Variants in GCKR observed in about 807,000 individuals in gnomAD.
GCKR encodes the protein glucokinase regulator.
In GCKR, 73 loss-of-function variants were observed where a neutral mutation model predicts 82.9. The ratio of observed to expected loss-of-function variants is 0.88; its 90% CI spans 0.73 to 1.07. GCKR has a LOEUF of 1.07. Ranked by LOEUF, GCKR falls within the 50% of genes least tolerant of loss-of-function variation. The probability of loss-of-function intolerance (pLI) is 0.00; values close to 1 mark genes in which losing one functional copy is unlikely to be tolerated. For missense variants in GCKR, 784 were observed against 782.1 expected (o/e 1.00, Z -0.03); for synonymous variants, 294 against 291.8 (o/e 1.01, Z -0.08).
At chr2:27,498,988 A>G (rs1669498610) in intron 5 of GCKR, among the ~76,000 whole-genome samples, 154 bp from the exon 6 acceptor site, 1 of 151,720 alleles carries the variant, frequency 6.6e-6, no homozygotes, top group African/African-American at 2.4e-5. Context: ...GAGTTTTTCA[A>G]CTCTATGGAG....
chr2:27,506,911 C>T (rs1212263037), intron 12 of GCKR, 26 bp downstream of exon 12: 1 of 1,375,128 alleles, frequency 7.3e-7, no homozygotes. Flanking sequence ...AGATGTTCTT[C>T]CTGCTTCCTC....
rs976290555 is a variant in GCKR at position 27,499,216 on chromosome 2, C to A, written c.495+8C>A. 2 of 1,594,344 alleles carry A rather than the reference C, an allele frequency of 1.3e-6. No homozygotes were observed. The highest frequency in any genetic ancestry group is 1.7e-6 in the Non-Finnish European group (2 of 1,162,354). ...ATTGAGGAACTGAAGAAGGTCTGTG[C>A]TTTTCACTGACATTGACCAGAGACC... On this transcript the variant is annotated splice_region_variant and intron_variant, in intron 6 of 18. Coordinates refer to ENST00000264717, the MANE Select transcript of GCKR (RefSeq NM_001486.4).
chr2:27,497,928 G>A (rs1218450262), intron 3 of GCKR, among the ~76,000 whole-genome samples: 2 of 152,196 alleles, frequency 1.3e-5, no homozygotes, highest in African/African-American at 2.4e-5. Flanking sequence ...GATAATCACT[G>A]TAGCTTGCTC....
rs1024943882 is a variant in GCKR at position 27,518,810 on chromosome 2, C to T, written c.1445C>T (p.Thr482Ile). 3 of 1,613,630 alleles carry T rather than the reference C, an allele frequency of 1.9e-6. No homozygotes were observed. The highest frequency in any genetic ancestry group is 2.5e-6 in the Non-Finnish European group (3 of 1,179,498). Reference sequence around the variant, plus strand: ...CAGAAGTTCCAGCGTGAGCTAAGCACCAAATGGGTGCTGAATACAGTGAGT... The same window carrying T: ...CAGAAGTTCCAGCGTGAGCTAAGCATCAAATGGGTGCTGAATACAGTGAGT... ...FIQKFQRELSTKWVLNTVSTG... is the reference protein window; with the variant it reads ...FIQKFQRELSIKWVLNTVSTG... The change falls in exon 17 of 19, where the codon ACC becomes ATC. Residue 482 changes from threonine (T) to isoleucine (I), a missense_variant. Thr to Ile is a moderately conservative substitution (Grantham distance 89). Transcript: ENST00000264717.
intron 9 of GCKR, 70 bp downstream of exon 9, chr2:27,503,689 G>A: frequency 2.5e-6 from 2 of 803,214 alleles, no homozygotes; most frequent in Non-Finnish European, 4.4e-6. Flanking sequence ...CTTCCTTGGG[G>A]CCTCTGATTT....
At chr2:27,521,911 A>G (rs2148594348) in intron 17 of GCKR, among the ~76,000 whole-genome samples, 1 of 151,748 alleles carries the variant, frequency 6.6e-6, no homozygotes, top group East Asian at 2.0e-4. Context: ...TTTTGTAGAG[A>G]TGGGGTCTTG....
chr2:27,516,377 G>GC (rs1407933600), intron 16 of GCKR, among the ~76,000 whole-genome samples: 4 of 124,012 alleles, frequency 3.2e-5, no homozygotes, highest in East Asian at 2.8e-4. Context: ...TGCAACCTCC[G>GC]CCCCCCAGGT....
Position 27,504,850 on chromosome 2 carries a change from GGT to G in GCKR, c.751-865_751-864del, listed in dbSNP as rs750252240. Among the ~76,000 whole-genome samples, 256 of 152,108 alleles carry G rather than the reference GGT, an allele frequency of 1.7e-3. 2 individuals carry two copies. The highest frequency in any genetic ancestry group is 3.1e-3 in the Non-Finnish European group (209 of 68,004). ...GGAAAGAAACACACTCTCTGGTCTG[GGT>G]GTAGTGGCTCACGCCTGTAATCCCA... On this transcript the variant is annotated intron_variant, in intron 9 of 18. Transcript: ENST00000264717.
intron 8 of GCKR, among the ~76,000 whole-genome samples, chr2:27,501,522 T>G: frequency 6.6e-6 from 1 of 152,208 alleles, no homozygotes; most frequent in East Asian, 1.9e-4. Flanking sequence ...AGGAATAAAA[T>G]GGAGGATAAA....
intron 16 of GCKR, among the ~76,000 whole-genome samples, chr2:27,515,184 G>C (rs1174279195): frequency 6.6e-6 from 1 of 152,148 alleles, no homozygotes; most frequent in Non-Finnish European, 1.5e-5. Flanking sequence ...CACCATGTTG[G>C]CCAGGCTGGT....
chr2:27,522,847 C>G (rs565835730), intron 18 of GCKR, among the ~76,000 whole-genome samples: 1 of 151,946 alleles, frequency 6.6e-6, no homozygotes, highest in South Asian at 2.1e-4. Context: ...TGCATCTAAC[C>G]TAGTGGCTCC....
intron 17 of GCKR, 90 bp downstream of exon 17, chr2:27,519,027 G>T: frequency 8.3e-7 from 1 of 1,202,836 alleles, no homozygotes; most frequent in Non-Finnish European, 1.2e-6. Context: ...ATGGAAATGT[G>T]CAAGGGTACA....
chr2:27,498,109 C>T lies in GCKR; in HGVS notation c.286-146C>T, dbSNP rs548086528. The T allele has an allele frequency of 3.0e-5, 20 of 670,320 alleles. No individual in the cohort carries two copies. In the African/African-American group the frequency reaches 3.2e-4, roughly 11 times the overall value. The allele number at this position is 670,320 out of a possible 1,614,324, so 41.5% of individuals were successfully genotyped here. On this transcript the variant is annotated intron_variant, in intron 3 of 18. Coordinates refer to ENST00000264717, the MANE Select transcript of GCKR (RefSeq NM_001486.4). ...CTAATCCAATGTTCTTTTTGCTACA[C>T]TACATTGCATGTATTTGTTCAATTT... is the stretch of plus-strand genomic sequence containing the variant.
At chr2:27,508,102 C>A in intron 15 of GCKR, 28 bp downstream of exon 15, 2 of 1,591,856 alleles carry the variant, frequency 1.3e-6, no homozygotes, top group Non-Finnish European at 1.7e-6. Context: ...ACAAAGGGAC[C>A]CAGGTGGCAG....
chr2:27,519,660 G>A (rs1670104499), intron 17 of GCKR, among the ~76,000 whole-genome samples: 1 of 152,178 alleles, frequency 6.6e-6, no homozygotes, highest in South Asian at 2.1e-4. Flanking sequence ...CACCAGTAGT[G>A]CCAGCCTGAC....
At chr2:27,514,423 A>G (rs563222202) in intron 16 of GCKR, among the ~76,000 whole-genome samples, 2 of 152,206 alleles carry the variant, frequency 1.3e-5, no homozygotes. Flanking sequence ...AATTAGTTTA[A>G]TTAGTTACTG....
chr2:27,513,566 T>A (rs1669938003), intron 16 of GCKR, among the ~76,000 whole-genome samples: 2 of 151,860 alleles, frequency 1.3e-5, no homozygotes, highest in African/African-American at 4.8e-5. Flanking sequence ...CTTTTTCTTC[T>A]CTCCCCGTCC....
In GCKR at chr2:27,505,805, A is replaced by C. The variant is rs1669721321; in HGVS notation, c.838A>C (p.Thr280Pro). Residue 280 changes from threonine (T) to proline (P), a missense_variant, in exon 10 of 19, where the codon ACT becomes CCT. Coordinates refer to ENST00000264717, the MANE Select transcript of GCKR (RefSeq NM_001486.4). ...AACCCTGTTATTAGCAGCCCATAAG[A>C]CTGTGGACCAGGGCATTGCAGCATC... Reference protein sequence around the residue: ...LETLLLAAHKTVDQGIAASQR... With the variant: ...LETLLLAAHKPVDQGIAASQR... The C allele has an allele frequency of 6.3e-7, 1 of 1,597,690 alleles. No homozygotes were observed. The highest frequency in any genetic ancestry group is 1.3e-5 in the African/African-American group (1 of 74,540).
chr2:27,522,574 G>A lies in GCKR; in HGVS notation c.1687G>A (p.Val563Ile), dbSNP rs1181924685. The part of the protein sequence containing the change: ...RAAPISCHVQ[V>I]AHEKEQVIPI... ...TGCTCCCATCTCCTGCCATGTCCAGGTTGCACATGAGAAGGAACAGGTATC... is the reference window on the plus strand; with the variant it reads ...TGCTCCCATCTCCTGCCATGTCCAGATTGCACATGAGAAGGAACAGGTATC... Residue 563 changes from valine to isoleucine, a missense_variant, in exon 18 of 19, where the codon GTT becomes ATT. Physicochemically the swap from Val to Ile is conservative, Grantham distance 29. Transcript: ENST00000264717. 5.0e-6 allele frequency: 8 copies of A among 1,613,994 alleles called. No homozygotes were observed. The highest frequency in any genetic ancestry group is 6.8e-6 in the Non-Finnish European group (8 of 1,179,894).
Sources: allele counts gnomAD v4.1 joint callset (sites outside exome capture counted in the v4.1 genomes callset), GRCh38; gene constraint gnomAD v4.1.1; transcripts MANE v1.5; gene names NCBI Gene and HGNC (gene_info 2026-07-23, HGNC 2026-07-21).